GSAP: variants seen among roughly 807,000 people sequenced by gnomAD.
GSAP encodes the protein gamma-secretase-activating protein.
A neutral mutation model predicts 131.7 loss-of-function variants in GSAP; 118 were observed. The ratio of observed to expected loss-of-function variants is 0.90; its 90% CI spans 0.77 to 1.04. The LOEUF (loss-of-function observed/expected upper bound fraction) is 1.04, where lower values mean the gene tolerates loss of function less well. GSAP is among the 50% of genes least tolerant of loss of function. The pLI, the probability that GSAP is intolerant of heterozygous loss-of-function variation, is 0.00. For synonymous variants in GSAP, 381 were observed against 363.4 expected (o/e 1.05, Z -0.55); for missense variants, 1,019 against 1,013.2 (o/e 1.01, Z -0.08).
At chr7:77,346,384 A>G (rs997658911) in intron 19 of GSAP, among the ~76,000 whole-genome samples, 3 of 151,888 alleles carry the variant, frequency 2.0e-5, no homozygotes, top group African/African-American at 7.3e-5. Flanking sequence ...TGTCCAAAAA[A>G]CAGAAGAACA....
chr7:77,355,068 C>T (rs183152088), intron 16 of GSAP, 145 bp downstream of exon 16: 1 of 612,798 alleles, frequency 1.6e-6, no homozygotes, highest in Admixed American at 3.0e-5. Flanking sequence ...AAAAGCAGCG[C>T]AAAAGATGAC....
In GSAP at chr7:77,416,270, A is replaced by G. The variant is rs1398708054; in HGVS notation, c.52T>C (p.Trp18Arg). 1 of 1,485,184 alleles carries G rather than the reference A, an allele frequency of 6.7e-7. No homozygotes were observed. The highest frequency in any genetic ancestry group is 1.5e-5 in the African/African-American group (1 of 66,698). The allele number at this position is 1,485,184 out of a possible 1,614,324, so 92.0% of individuals were successfully genotyped here. A position where few individuals can be genotyped will look rare whatever the true frequency, so the allele number is the denominator to read the frequency against. ...DFDLGKDVLPWLRAQRAVSEA... is the reference protein window; with the variant it reads ...DFDLGKDVLPRLRAQRAVSEA... ...GACACTGCCCGCTGCGCCCGCAACCACGGGAGCACGTCCTTCCCGAGGTCG... is the reference window on the plus strand; with the variant it reads ...GACACTGCCCGCTGCGCCCGCAACCGCGGGAGCACGTCCTTCCCGAGGTCG... Residue 18 changes from tryptophan (W) to arginine (R), a missense_variant, in exon 1 of 31, where the codon TGG becomes CGG. Trp to Arg is a moderately radical substitution (Grantham distance 101). Transcript: ENST00000257626.
chr7:77,341,472 A>G (rs1293375193), intron 19 of GSAP, among the ~76,000 whole-genome samples: 1 of 152,110 alleles, frequency 6.6e-6, no homozygotes, highest in Non-Finnish European at 1.5e-5. Context: ...GCCCTTCCCG[A>G]CCTGCCCAAC....
intron 22 of GSAP, chr7:77,326,557 C>T (rs2150657193): frequency 3.7e-6 from 1 of 270,410 alleles, no homozygotes; most frequent in East Asian, 7.6e-5. Context: ...CTAAGAACCT[C>T]TGCTCCACTG....
rs1798722703 is a variant in GSAP, at chr7:77,387,344, T to C, written c.456+16A>G. ...TTTGATTAATGAGATAAGTGATAAATGGCATGCTTACTTACCTGAACCCAA... is the reference window on the plus strand; with the variant it reads ...TTTGATTAATGAGATAAGTGATAAACGGCATGCTTACTTACCTGAACCCAA... On this transcript the variant is annotated intron_variant, in intron 6 of 30. Coordinates refer to ENST00000257626, the MANE Select transcript of GSAP (RefSeq NM_017439.4). The C allele has an allele frequency of 3.9e-6, 5 of 1,281,286 alleles. No individual in the cohort carries two copies. In the South Asian group the frequency reaches 4.8e-5, roughly 12 times the overall value. The allele number at this position is 1,281,286 out of a possible 1,614,324, so 79.4% of individuals were successfully genotyped here.
At chr7:77,395,331 G>C (rs1239480856) in intron 5 of GSAP, among the ~76,000 whole-genome samples, 2 of 152,136 alleles carry the variant, frequency 1.3e-5, no homozygotes, top group African/African-American at 4.8e-5. Context: ...ACAGCAGCTA[G>C]GCCTTTCCTC....
intron 19 of GSAP, 151 bp from the exon 20 acceptor site, chr7:77,330,518 T>G: frequency 1.6e-6 from 2 of 1,263,142 alleles, no homozygotes; most frequent in Non-Finnish European, 2.0e-6. Flanking sequence ...CTAGACCCAA[T>G]AGGGATTCTA....
chr7:77,402,277 G>A (rs979854052), intron 3 of GSAP, among the ~76,000 whole-genome samples: 2 of 150,288 alleles, frequency 1.3e-5, no homozygotes, highest in East Asian at 1.9e-4. Context: ...GGCCGGGCAC[G>A]GTGGCTCACA....
At chr7:77,369,203 G>A (rs1795766962) in intron 12 of GSAP, among the ~76,000 whole-genome samples, 1 of 152,180 alleles carries the variant, frequency 6.6e-6, no homozygotes, top group Non-Finnish European at 1.5e-5. Context: ...AAGAATTACA[G>A]CCACTGACTT....
At chr7:77,396,875 G>T in intron 5 of GSAP, 107 bp downstream of exon 5, 2 of 608,650 alleles carry the variant, frequency 3.3e-6, no homozygotes. Context: ...TCTGAGATAC[G>T]ATAAGGCTAT....
At chr7:77,371,154 AACTC>A (rs1796061231) in intron 12 of GSAP, among the ~76,000 whole-genome samples, 1 of 152,138 alleles carries the variant, frequency 6.6e-6, no homozygotes, top group Non-Finnish European at 1.5e-5. Context: ...TCTAAAACAA[AACTC>A]ACAATCTTCC....
chr7:77,350,690 C>A (rs1403847900), intron 18 of GSAP, among the ~76,000 whole-genome samples: 1 of 151,946 alleles, frequency 6.6e-6, no homozygotes, highest in Non-Finnish European at 1.5e-5. Flanking sequence ...TTGCAGTGAG[C>A]TGAGACTGCA....
At chr7:77,355,140 C>A in intron 16 of GSAP, 73 bp downstream of exon 16, 2 of 984,826 alleles carry the variant, frequency 2.0e-6, no homozygotes, top group South Asian at 1.4e-5. Flanking sequence ...AACTCCTGAC[C>A]ATTTTCAACC....
At chr7:77,311,662 G>A (rs913659978) in intron 30 of GSAP, 179 bp downstream of exon 30, 5 of 590,398 alleles carry the variant, frequency 8.5e-6, no homozygotes, top group Non-Finnish European at 1.5e-5. Context: ...AACTTCAGAG[G>A]TGATTATTTG....
intron 1 of GSAP, among the ~76,000 whole-genome samples, chr7:77,411,098 T>TAAAAAAAAAAAAAAGA (rs1803195650): frequency 9.2e-6 from 1 of 108,866 alleles, no homozygotes; most frequent in Non-Finnish European, 1.8e-5. Flanking sequence ...AAGAAAATAG[T>TAAAAAAAAAAAAAAGA]AAAAAAAAAA....
At chr7:77,389,194 C>T (rs1020520937) in intron 5 of GSAP, among the ~76,000 whole-genome samples, 3 of 151,572 alleles carry the variant, frequency 2.0e-5, no homozygotes, top group South Asian at 2.1e-4. Flanking sequence ...TTAAATAGCA[C>T]GAACTGACAT....
chr7:77,387,571 A>G, intron 5 of GSAP, 123 bp from the exon 6 acceptor site: 2 of 629,784 alleles, frequency 3.2e-6, no homozygotes, highest in Non-Finnish European at 5.7e-6. Context: ...TAATAAAACA[A>G]TTCTACCACC....
At chr7:77,372,706 G>A (rs753146598) in intron 12 of GSAP, among the ~76,000 whole-genome samples, 1 of 152,142 alleles carries the variant, frequency 6.6e-6, no homozygotes, top group Non-Finnish European at 1.5e-5. Flanking sequence ...ACTTTACAGC[G>A]AGCTTGCGCA....
rs1794757379 is a variant in GSAP at position 77,314,478 on chromosome 7, G to A, written c.2101C>T (p.Leu701=). The change falls in exon 27 of 31, where the codon CTG becomes TTG. Residue 701 remains leucine (L), a synonymous_variant. Coordinates refer to ENST00000257626, the MANE Select transcript of GSAP (RefSeq NM_017439.4). ...FLPLPPGFHT[L]HTILGVQCLP... is the part of the protein sequence containing the mutation. ...CACTGGACCCCGAGGATGGTGTGCA[G>A]AGTATGAAAACCTAGGATGAGAGAT... is the stretch of plus-strand genomic sequence containing the variant. The A allele has an allele frequency of 3.7e-6, 6 of 1,613,636 alleles. No individual in the cohort carries two copies. Among genetic ancestry groups the A allele is most frequent in the Non-Finnish European group, 5.1e-6 (6 of 1,179,784 alleles).
Sources: allele counts gnomAD v4.1 joint callset (sites outside exome capture counted in the v4.1 genomes callset), GRCh38; gene constraint gnomAD v4.1.1; transcripts MANE v1.5; gene names NCBI Gene and HGNC (gene_info 2026-07-23, HGNC 2026-07-21).